DHRSX: variants seen among roughly 807,000 people sequenced by gnomAD.
DHRSX encodes polyprenol dehydrogenase.
In DHRSX, 31 loss-of-function variants were observed where a neutral mutation model predicts 34.0. The ratio of observed to expected loss-of-function variants is 0.91; its 90% confidence interval spans 0.69 to 1.23. The LOEUF is 1.23. Ranked by LOEUF, DHRSX falls within the 50% of genes most tolerant of loss-of-function variation. DHRSX has a pLI of 0.00. For synonymous variants in DHRSX, 201 were observed against 183.8 expected, an observed-to-expected ratio of 1.09 and a Z score of -0.76; for missense variants, 414 against 428.1, an observed-to-expected ratio of 0.97 and a Z score of 0.29.
chrX:2,467,010 A>G (rs2044506593), intron 1 of DHRSX, among the ~76,000 whole-genome samples: 1 of 150,788 alleles, frequency 6.6e-6, no homozygotes, highest in Non-Finnish European at 1.5e-5. Flanking sequence ...GATTGCAGTG[A>G]GCCGAGATCG....
At chrX:2,494,488 G>A (rs1056175423) in intron 1 of DHRSX, among the ~76,000 whole-genome samples, 6 of 151,798 alleles carry the variant, frequency 4.0e-5, no homozygotes, top group South Asian at 2.1e-4. Context: ...AAGGTGCCAG[G>A]ACCTGTAGTA....
At chrX:2,327,802 CG>C (rs2042405049) in intron 3 of DHRSX, among the ~76,000 whole-genome samples, 1 of 152,042 alleles carries the variant, frequency 6.6e-6, no homozygotes, top group African/African-American at 2.4e-5. Context: ...GAGATGAGGC[CG>C]GGTGTGGTGG....
chrX:2,239,482 C>T (rs559292326), intron 6 of DHRSX, among the ~76,000 whole-genome samples: 7 of 151,582 alleles, frequency 4.6e-5, no homozygotes, highest in African/African-American at 1.2e-4. Context: ...AGAGGCCGGG[C>T]GTGGTGGCTC....
chrX:2,432,747 G>A (rs1476856644), intron 1 of DHRSX, among the ~76,000 whole-genome samples: 1 of 152,186 alleles, frequency 6.6e-6, no homozygotes, highest in South Asian at 2.1e-4. Context: ...GGAATCATTA[G>A]TTTAACCTCC....
At chrX:2,346,396 G>A (rs1318096813) in intron 3 of DHRSX, among the ~76,000 whole-genome samples, 1 of 152,028 alleles carries the variant, frequency 6.6e-6, no homozygotes, top group African/African-American at 2.4e-5. Flanking sequence ...CACAGTCCAG[G>A]CTGGCACCAT....
chrX:2,319,077 T>G (rs1211559829), intron 3 of DHRSX, among the ~76,000 whole-genome samples: 2 of 152,092 alleles, frequency 1.3e-5, no homozygotes, highest in African/African-American at 2.4e-5. Flanking sequence ...TATTTCCACA[T>G]CTTTTAAACA....
At chrX:2,500,547 C>G (rs1296125192) in intron 1 of DHRSX, 1 of 169,894 alleles carries the variant, frequency 5.9e-6, no homozygotes, top group Non-Finnish European at 1.2e-5. Context: ...GCGGGGAGGC[C>G]ACACGCGCGG....
At chrX:2,490,422 C>T in intron 1 of DHRSX, 1 of 1,613,948 alleles carries the variant, frequency 6.2e-7, no homozygotes, top group Non-Finnish European at 8.5e-7. Context: ...TGGGACGACT[C>T]GGGCTTCAGC....
At chrX:2,494,650 G>C (rs1321518784) in intron 1 of DHRSX, among the ~76,000 whole-genome samples, 1 of 151,494 alleles carries the variant, frequency 6.6e-6, no homozygotes, top group Admixed American at 6.6e-5. Context: ...ATTATTATTT[G>C]GCTCACAGGT....
At chrX:2,231,534 ATTC>A (rs769596222) in intron 6 of DHRSX, among the ~76,000 whole-genome samples, 1 of 122,288 alleles carries the variant, frequency 8.2e-6, no homozygotes, top group East Asian at 2.6e-4. Context: ...TCCTCCTCCT[ATTC>A]TTCTATCCCT....
intron 3 of DHRSX, among the ~76,000 whole-genome samples, chrX:2,384,694 G>A (rs2043248937): frequency 6.8e-6 from 1 of 147,162 alleles, no homozygotes; most frequent in Admixed American, 7.2e-5. Context: ...TTATTTGGTT[G>A]TATTTAAAAT....
intron 3 of DHRSX, among the ~76,000 whole-genome samples, chrX:2,352,661 C>G (rs1224322946): frequency 1.3e-5 from 2 of 152,150 alleles, no homozygotes; most frequent in African/African-American, 4.8e-5. Flanking sequence ...GGTGGAAACT[C>G]TTTGGGGTGA....
chrX:2,220,965 G>T lies in DHRSX; in HGVS notation c.*76C>A. 2 of 1,448,386 alleles carry T rather than the reference G, an allele frequency of 1.4e-6. No individual in the cohort carries two copies. The highest frequency in any genetic ancestry group is 1.9e-5 in the Admixed American group (1 of 53,240). 89.7% of individuals were successfully genotyped at this position (1,448,386 alleles called of 1,614,324 possible). A position where few individuals can be genotyped will look rare whatever the true frequency, so the allele number is the denominator to read the frequency against. On this transcript the variant is annotated 3_prime_UTR_variant, in exon 7 of 7. Coordinates refer to ENST00000334651, the MANE Select transcript of DHRSX (RefSeq NM_145177.3). Reference sequence around the variant, plus strand: ...GGTGGGTGTGAGAAACTCAAACACCGCAGTCTTCACAGACCCACAAGCTAT... The same window carrying T: ...GGTGGGTGTGAGAAACTCAAACACCTCAGTCTTCACAGACCCACAAGCTAT...
rs779052552 is a variant in DHRSX, at chrX:2,448,867, G to C, written c.110-23563C>G. Among the ~76,000 whole-genome samples, 62 of 152,224 alleles carry C rather than the reference G, an allele frequency of 4.1e-4. No individual in the cohort carries two copies. The South Asian group carries it at 0.012, about 30-fold the overall frequency. On this transcript the variant is annotated intron_variant, in intron 1 of 6. Transcript: ENST00000334651. ...ACACAAGGGGTTCCAAGTTTCCAAGGAAAGGATTCCAGTTATGTGCTCAAG... is the reference window on the plus strand; with the variant it reads ...ACACAAGGGGTTCCAAGTTTCCAAGCAAAGGATTCCAGTTATGTGCTCAAG...
At chrX:2,319,130 T>C (rs1353500154) in intron 3 of DHRSX, among the ~76,000 whole-genome samples, 1 of 152,068 alleles carries the variant, frequency 6.6e-6, no homozygotes, top group African/African-American at 2.4e-5. Context: ...CAGTTGACTG[T>C]TGGACAACAT....
intron 1 of DHRSX, among the ~76,000 whole-genome samples, chrX:2,443,301 G>C (rs2044085636): frequency 6.6e-6 from 1 of 151,950 alleles, no homozygotes; most frequent in South Asian, 2.1e-4. Flanking sequence ...CGAAAGTCCA[G>C]GGATTACAGG....
intron 2 of DHRSX, among the ~76,000 whole-genome samples, chrX:2,424,325 T>G (rs1421118703): frequency 6.7e-6 from 1 of 149,976 alleles, no homozygotes. Context: ...GCGCCTGAAA[T>G]GGACTAAGAC....
At chrX:2,322,555 C>CAAAAAAAAAA (rs752649879) in intron 3 of DHRSX, among the ~76,000 whole-genome samples, 1 of 123,198 alleles carries the variant, frequency 8.1e-6, no homozygotes, top group African/African-American at 3.0e-5. Flanking sequence ...AACTCCATCT[C>CAAAAAAAAAA]AAAAAAAAAA....
At chrX:2,432,457 T>C (rs116693463) in intron 1 of DHRSX, among the ~76,000 whole-genome samples, 4,121 of 152,188 alleles carry the variant, frequency 0.027, 199 homozygotes, top group African/African-American at 0.095. Flanking sequence ...AATGGCCCTG[T>C]AGGAGATTAA....
Sources: allele counts gnomAD v4.1 joint callset (sites outside exome capture counted in the v4.1 genomes callset), GRCh38; gene constraint gnomAD v4.1.1; transcripts MANE v1.5; gene names NCBI Gene and HGNC (gene_info 2026-07-23, HGNC 2026-07-21).